Variants in PABPC4L observed in about 807,000 individuals in gnomAD.
PABPC4L encodes polyadenylate-binding protein 4-like.
For synonymous variants in PABPC4L, 169 were observed against 164.1 expected (o/e 1.03, Z -0.23); for missense variants, 452 against 451.4 (o/e 1.00, Z -0.01).
the PABPC4L span, among the ~76,000 whole-genome samples, chr4:133,975,705 A>C: frequency 1.3e-5 from 2 of 152,212 alleles, no homozygotes; most frequent in Admixed American, 1.3e-4. Flanking sequence ...TAAGGCAATA[A>C]AAGGAATCCT....
chr4:134,054,277 T>TATATA, the PABPC4L span, among the ~76,000 whole-genome samples: 1 of 144,066 alleles, frequency 6.9e-6, no homozygotes, highest in Non-Finnish European at 1.5e-5. Context: ...TATATATATA[T>TATATA]ATATATATAT....
chr4:134,138,047 A>G, the PABPC4L span, among the ~76,000 whole-genome samples: 959 of 151,822 alleles, frequency 6.3e-3, 8 homozygotes, highest in African/African-American at 0.022. Flanking sequence ...CAGTATATGC[A>G]TGGTGGATGC....
chr4:134,193,906 G>A (rs1729582902), downstream of PABPC4L, among the ~76,000 whole-genome samples: 1 of 151,708 alleles, frequency 6.6e-6, no homozygotes, highest in Non-Finnish European at 1.5e-5. Context: ...ACTTAAGAAT[G>A]TTCTTCTATC....
At chr4:133,951,849 A>G in the PABPC4L span, among the ~76,000 whole-genome samples, 1 of 152,090 alleles carries the variant, frequency 6.6e-6, no homozygotes, top group East Asian at 1.9e-4. Context: ...TTTAGAGCCT[A>G]TGAGTTAATC....
chr4:134,088,926 C>G, the PABPC4L span, among the ~76,000 whole-genome samples: 1 of 152,028 alleles, frequency 6.6e-6, no homozygotes, highest in African/African-American at 2.4e-5. Flanking sequence ...GAATGGCTCA[C>G]AGACTGGTGA....
the PABPC4L span, among the ~76,000 whole-genome samples, chr4:134,148,895 TA>T: frequency 6.6e-6 from 1 of 152,014 alleles, no homozygotes; most frequent in Non-Finnish European, 1.5e-5. Context: ...TGTTCTTGGG[TA>T]AAAGTGTCCC....
the PABPC4L span, among the ~76,000 whole-genome samples, chr4:133,989,311 GCT>G: frequency 1.3e-5 from 2 of 152,010 alleles, no homozygotes; most frequent in Non-Finnish European, 1.5e-5. Flanking sequence ...AAGCTTTTAT[GCT>G]CTGTTTCATC....
At chr4:133,977,774 T>A in the PABPC4L span, among the ~76,000 whole-genome samples, 1 of 152,222 alleles carries the variant, frequency 6.6e-6, no homozygotes, top group African/African-American at 2.4e-5. Context: ...ATCAACCCAA[T>A]AAATTGTAAT....
the PABPC4L span, among the ~76,000 whole-genome samples, chr4:134,031,996 A>G: frequency 6.6e-6 from 1 of 151,820 alleles, no homozygotes; most frequent in Non-Finnish European, 1.5e-5. Context: ...TCTCTAACCA[A>G]ATGTTTATTC....
At chr4:134,167,593 T>C in the PABPC4L span, among the ~76,000 whole-genome samples, 1 of 151,706 alleles carries the variant, frequency 6.6e-6, no homozygotes, top group Non-Finnish European at 1.5e-5. Context: ...AATGGAAAAC[T>C]ATATTTCATG....
At chr4:134,146,290 A>C in the PABPC4L span, among the ~76,000 whole-genome samples, 3 of 151,988 alleles carry the variant, frequency 2.0e-5, no homozygotes, top group African/African-American at 7.2e-5. Context: ...TAGAATAATA[A>C]AAATATAAAG....
the PABPC4L span, among the ~76,000 whole-genome samples, chr4:133,982,647 G>A: frequency 2.0e-5 from 3 of 151,922 alleles, no homozygotes; most frequent in Admixed American, 6.6e-5. Context: ...AGCAGAAAAA[G>A]TAACTCATAA....
the PABPC4L span, among the ~76,000 whole-genome samples, chr4:133,955,903 T>C: frequency 6.6e-6 from 1 of 152,208 alleles, no homozygotes; most frequent in East Asian, 1.9e-4. Flanking sequence ...TGTCTCTATG[T>C]TTTCATTTAA....
the PABPC4L span, among the ~76,000 whole-genome samples, chr4:134,171,928 A>T: frequency 6.6e-6 from 1 of 152,182 alleles, no homozygotes; most frequent in East Asian, 1.9e-4. Context: ...TAGCCACAAA[A>T]ACAATAAAAT....
chr4:133,981,392 G>C, the PABPC4L span, among the ~76,000 whole-genome samples: 1 of 151,864 alleles, frequency 6.6e-6, no homozygotes, highest in African/African-American at 2.4e-5. Context: ...AAAAATGTCG[G>C]ATTTCTGTCT....
the PABPC4L span, among the ~76,000 whole-genome samples, chr4:134,187,900 G>A: frequency 2.1e-3 from 325 of 152,094 alleles, no homozygotes; most frequent in Non-Finnish European, 2.2e-3. Flanking sequence ...GGTGTCTGTA[G>A]ACTACTGATG....
At chr4:134,076,543 A>G in the PABPC4L span, among the ~76,000 whole-genome samples, 2 of 152,138 alleles carry the variant, frequency 1.3e-5, no homozygotes, top group Non-Finnish European at 2.9e-5. Flanking sequence ...AAAAGGAAGG[A>G]GTCAAAATTA....
At chr4:134,124,743 G>C in the PABPC4L span, among the ~76,000 whole-genome samples, 2 of 151,950 alleles carry the variant, frequency 1.3e-5, no homozygotes, top group South Asian at 4.1e-4. Flanking sequence ...TCACAGGGTG[G>C]CCTGGTGCAA....
At chr4:134,189,082 G>A in the PABPC4L span, among the ~76,000 whole-genome samples, 11 of 151,794 alleles carry the variant, frequency 7.2e-5, no homozygotes, top group Non-Finnish European at 1.5e-4. Flanking sequence ...TAATAATGAG[G>A]CCATCAAAGG....
Sources: allele counts gnomAD v4.1 joint callset (sites outside exome capture counted in the v4.1 genomes callset), GRCh38; gene constraint gnomAD v4.1.1; transcripts MANE v1.5; gene names NCBI Gene and HGNC (gene_info 2026-07-23, HGNC 2026-07-21).